The following CEMIP variants were observed in gnomAD, a reference collection of about 807,000 sequenced individuals.
The protein encoded by CEMIP is cell migration-inducing and hyaluronan-binding protein.
A neutral mutation model predicts 156.9 loss-of-function variants in CEMIP; 105 were observed. The observed-to-expected ratio is 0.67, with a 90% CI of 0.57 to 0.79. The LOEUF (loss-of-function observed/expected upper bound fraction) is 0.79, where lower values mean the gene tolerates loss of function less well. Ranked by LOEUF, CEMIP falls within the 30% of genes least tolerant of loss-of-function variation. The pLI, the probability that CEMIP is intolerant of heterozygous loss-of-function variation, is 0.00. For synonymous variants in CEMIP, 676 were observed against 668.4 expected (o/e 1.01, Z -0.17); for missense variants, 1,457 against 1,769.4 (o/e 0.82, Z 3.17).
At chr15:80,818,341 A>G (rs939078371) in intron 1 of CEMIP, among the ~76,000 whole-genome samples, 7 of 152,196 alleles carry the variant, frequency 4.6e-5, no homozygotes, top group African/African-American at 1.7e-4. Context: ...ACTTCTACTC[A>G]TGTATCATCG....
intron 1 of CEMIP, among the ~76,000 whole-genome samples, chr15:80,834,433 A>G (rs1423747981): frequency 6.6e-6 from 1 of 152,318 alleles, no homozygotes; most frequent in East Asian, 1.9e-4. Context: ...CAGAGCTACC[A>G]TCTACATTGG....
intron 25 of CEMIP, among the ~76,000 whole-genome samples, chr15:80,940,837 T>TA (rs1318725815): frequency 6.6e-6 from 1 of 152,172 alleles, no homozygotes; most frequent in Non-Finnish European, 1.5e-5. Context: ...TTCACACACA[T>TA]ACGCACACAC....
intron 4 of CEMIP, 129 bp downstream of exon 4, chr15:80,878,996 T>C (rs1418569471): frequency 6.4e-6 from 8 of 1,245,204 alleles, no homozygotes; most frequent in Non-Finnish European, 9.3e-6. Flanking sequence ...TGTTGGCATT[T>C]GGTTGTCTGA....
chr15:80,790,608 T>C (rs1349993608), intron 1 of CEMIP, among the ~76,000 whole-genome samples: 1 of 152,120 alleles, frequency 6.6e-6, no homozygotes, highest in Non-Finnish European at 1.5e-5. Flanking sequence ...GGTGGTGGAG[T>C]TGGAACTCAG....
At chr15:80,923,707 T>C (rs765756234) in intron 17 of CEMIP, among the ~76,000 whole-genome samples, 2 of 152,178 alleles carry the variant, frequency 1.3e-5, no homozygotes, top group African/African-American at 2.4e-5. Context: ...CCAGTAAGCC[T>C]TGACTCCACA....
At chr15:80,836,207 G>A (rs564704913) in intron 1 of CEMIP, among the ~76,000 whole-genome samples, 1 of 151,356 alleles carries the variant, frequency 6.6e-6, no homozygotes, top group African/African-American at 2.4e-5. Flanking sequence ...GCCTTCTGTT[G>A]CCCAAACTGA....
chr15:80,874,999 C>A (rs1898423090), intron 3 of CEMIP, among the ~76,000 whole-genome samples: 1 of 141,258 alleles, frequency 7.1e-6, no homozygotes, highest in African/African-American at 2.6e-5. Context: ...CTTTCTGATC[C>A]TTAGGGGACA....
chr15:80,915,821 C>T (rs12594357), intron 14 of CEMIP, among the ~76,000 whole-genome samples: 111,195 of 151,996 alleles, frequency 0.73, 43,942 homozygotes, highest in Non-Finnish European at 0.87. Flanking sequence ...CAGTTTTAAT[C>T]TGCATATTCA....
At chr15:80,794,499 T>C (rs748918363) in intron 1 of CEMIP, among the ~76,000 whole-genome samples, 7 of 152,162 alleles carry the variant, frequency 4.6e-5, no homozygotes, top group Non-Finnish European at 1.0e-4. Flanking sequence ...AATTCTGAGT[T>C]TTCTAGTAGC....
At chr15:80,849,066 A>C (rs1897643631) in intron 1 of CEMIP, among the ~76,000 whole-genome samples, 1 of 137,208 alleles carries the variant, frequency 7.3e-6, no homozygotes, top group African/African-American at 2.8e-5. Context: ...ATCTTGGCTC[A>C]CTGCAACCTC....
At chr15:80,809,771 T>C (rs1026305272) in intron 1 of CEMIP, among the ~76,000 whole-genome samples, 2 of 152,228 alleles carry the variant, frequency 1.3e-5, no homozygotes, top group Non-Finnish European at 2.9e-5. Context: ...TCCATGTTTG[T>C]TGTTAGCTGG....
chr15:80,810,138 T>A (rs1442038934), intron 1 of CEMIP, among the ~76,000 whole-genome samples: 3 of 152,182 alleles, frequency 2.0e-5, no homozygotes, highest in Admixed American at 2.0e-4. Context: ...TGCCACACAA[T>A]TGATACATTG....
chr15:80,891,664 T>C (rs1899036561), intron 10 of CEMIP, among the ~76,000 whole-genome samples: 1 of 152,196 alleles, frequency 6.6e-6, no homozygotes, highest in Admixed American at 6.5e-5. Flanking sequence ...GAGATGGTCA[T>C]CTAAAAGATA....
intron 14 of CEMIP, among the ~76,000 whole-genome samples, chr15:80,919,776 C>G (rs188249313): frequency 1.7e-4 from 25 of 151,196 alleles, no homozygotes; most frequent in Non-Finnish European, 3.4e-4. Flanking sequence ...GATTGTGCCA[C>G]TGCACTCCAG....
At position 80,873,525 on chromosome 15, in the gene CEMIP, T is replaced by C; in HGVS notation, c.-175-13T>C. ...TGGGAGTATTTTTGTTCTGCTCTGT[T>C]TCTTAACTTAAGAGAAAAGCTTCAT... On this transcript the variant is annotated splice_polypyrimidine_tract_variant and intron_variant, in intron 1 of 29. Transcript: ENST00000394685. 3.0e-6 allele frequency: 1 copy of C among 338,898 alleles called. No homozygotes were observed. Among genetic ancestry groups the C allele is most frequent in the Non-Finnish European group, 5.7e-6 (1 of 174,584 alleles). 21.0% of individuals were successfully genotyped at this position (338,898 alleles called of 1,614,324 possible). A position where few individuals can be genotyped will look rare whatever the true frequency, so the allele number is the denominator to read the frequency against.
intron 28 of CEMIP, among the ~76,000 whole-genome samples, chr15:80,943,908 A>T (rs1901437354): frequency 6.6e-6 from 1 of 152,106 alleles, no homozygotes; most frequent in African/African-American, 2.4e-5. Context: ...TCTCCTTAGC[A>T]AACTTTGGTA....
rs1469092666 is a variant in CEMIP, at chr15:80,901,796, G to A, written c.1412-4867G>A. Among the ~76,000 whole-genome samples the A allele has an allele frequency of 4.6e-5, 7 of 152,066 alleles. No individual in the cohort carries two copies. The South Asian group carries it at 1.2e-3, about 27-fold the overall frequency. ...ACTAGTGGCTACCATACTGGACAAC[G>A]CAGAATAGAGCATTTCCTTCATCAC... On this transcript the variant is annotated intron_variant, in intron 12 of 29. Transcript: ENST00000394685.
At chr15:80,800,792 T>G (rs1019018340) in intron 1 of CEMIP, among the ~76,000 whole-genome samples, 3 of 152,216 alleles carry the variant, frequency 2.0e-5, no homozygotes, top group African/African-American at 7.2e-5. Flanking sequence ...CAGTACTCGA[T>G]GTAGGGGCAA....
intron 1 of CEMIP, among the ~76,000 whole-genome samples, chr15:80,830,299 A>G (rs1483490625): frequency 6.6e-6 from 1 of 152,224 alleles, no homozygotes; most frequent in Admixed American, 6.5e-5. Context: ...TGCAGTCATT[A>G]CTGTAATTAG....
Sources: allele counts gnomAD v4.1 joint callset (sites outside exome capture counted in the v4.1 genomes callset), GRCh38; gene constraint gnomAD v4.1.1; transcripts MANE v1.5; gene names NCBI Gene and HGNC (gene_info 2026-07-23, HGNC 2026-07-21).